ACYP2: variants seen among roughly 807,000 people sequenced by gnomAD.
The protein encoded by ACYP2 is acylphosphatase-2.
Under a neutral mutation model 11.2 loss-of-function variants are expected in ACYP2, and 12 were observed. The ratio of observed to expected loss-of-function variants is 1.08; its 90% CI spans 0.69 to 1.74. The LOEUF is 1.74. Among genes scored for constraint, ACYP2 ranks in the 40% most tolerant of loss-of-function variants. The pLI is 0.00. For missense variants in ACYP2, 134 were observed against 101.9 expected, an observed-to-expected ratio of 1.31 and a Z score of -1.35; for synonymous variants, 43 against 32.2, an observed-to-expected ratio of 1.33 and a Z score of -1.13.
intron 6 of ACYP2, chr2:54,142,113 A>G: frequency 2.6e-6 from 1 of 391,764 alleles, no homozygotes. Context: ...GCTTCAAATG[A>G]CTTTCCTGCC....
chr2:54,019,158 C>T (rs1202594380), intron 2 of ACYP2, among the ~76,000 whole-genome samples: 1 of 151,908 alleles, frequency 6.6e-6, no homozygotes, highest in Non-Finnish European at 1.5e-5. Flanking sequence ...CTTCAACCTC[C>T]TGGGCTCAAG....
intron 6 of ACYP2, among the ~76,000 whole-genome samples, chr2:54,140,865 G>A (rs1175626031): frequency 6.6e-6 from 1 of 152,046 alleles, no homozygotes; most frequent in Non-Finnish European, 1.5e-5. Flanking sequence ...TGATTTGTTG[G>A]TTGAAGTGGC....
intron 4 of ACYP2, among the ~76,000 whole-genome samples, chr2:54,081,298 C>T (rs897705997): frequency 2.0e-5 from 3 of 152,102 alleles, no homozygotes; most frequent in African/African-American, 4.8e-5. Context: ...GTAATAATAA[C>T]GGCAGTATTA....
intron 4 of ACYP2, among the ~76,000 whole-genome samples, chr2:54,099,151 A>G (rs1255907428): frequency 2.6e-5 from 4 of 152,040 alleles, no homozygotes; most frequent in South Asian, 4.2e-4. Flanking sequence ...TTTCTTGTTT[A>G]TTTTTTAATT....
intron 2 of ACYP2, among the ~76,000 whole-genome samples, chr2:54,001,491 TC>T (rs551332974): frequency 5.9e-5 from 9 of 152,190 alleles, no homozygotes; most frequent in Non-Finnish European, 1.0e-4. Context: ...CCTTCTGAGT[TC>T]AAGTGATTCT....
chr2:54,246,434 T>C (rs1307709952), intron 6 of ACYP2, among the ~76,000 whole-genome samples: 4 of 152,198 alleles, frequency 2.6e-5, no homozygotes, highest in African/African-American at 9.6e-5. Flanking sequence ...TAAAATTTTA[T>C]TAGTAAATAT....
intron 6 of ACYP2, among the ~76,000 whole-genome samples, chr2:54,238,148 A>G (rs1443533110): frequency 6.6e-6 from 1 of 152,170 alleles, no homozygotes; most frequent in Admixed American, 6.5e-5. Flanking sequence ...ATTATCATCC[A>G]GACCTCTCCT....
intron 6 of ACYP2, among the ~76,000 whole-genome samples, chr2:54,280,315 T>C (rs1573043162): frequency 2.0e-5 from 3 of 152,254 alleles, no homozygotes; most frequent in African/African-American, 7.2e-5. Context: ...CTGCCCAGAT[T>C]CTGCCAAGTT....
chr2:54,047,342 C>A (rs771661308), intron 2 of ACYP2, among the ~76,000 whole-genome samples: 1 of 152,186 alleles, frequency 6.6e-6, no homozygotes, highest in Non-Finnish European at 1.5e-5. Flanking sequence ...AAGAGTTGAA[C>A]TCTAACCAAG....
At chr2:54,014,368 A>T (rs1196739540) in intron 2 of ACYP2, among the ~76,000 whole-genome samples, 1 of 151,948 alleles carries the variant, frequency 6.6e-6, no homozygotes, top group Admixed American at 6.6e-5. Context: ...TTTGTCACCC[A>T]GGCTGCAGTG....
rs771160196 is a variant in ACYP2 at position 54,115,598 on chromosome 2, G to A, written c.278-19855G>A. 4 of 1,547,220 alleles carry A rather than the reference G, an allele frequency of 2.6e-6. No individual in the cohort carries two copies. The highest frequency in any genetic ancestry group is 2.4e-5 in the South Asian group (2 of 84,120). On this transcript the variant is annotated intron_variant, in intron 4 of 6. Transcript: ENST00000607452. ...GTCCGGGACCGGTGACAGGCGCGGG[G>A]TGCGCCAAGCAGTCCCATGTGTCCC...
chr2:54,294,756 A>T lies in ACYP2; in HGVS notation c.405-9932A>T, dbSNP rs185337620. Among the ~76,000 whole-genome samples the T allele has an allele frequency of 2.7e-3, 388 of 145,502 alleles. 2 individuals are homozygous for T. The highest frequency in any genetic ancestry group is 8.3e-3 in the African/African-American group (326 of 39,370). Reference sequence around the variant, plus strand: ...TGAGACCCCATCTCTACAAAAAATTAAAAAAAAAAATTAGCCAGGTGTGGT... The same window carrying T: ...TGAGACCCCATCTCTACAAAAAATTTAAAAAAAAAATTAGCCAGGTGTGGT... On this transcript the variant is annotated intron_variant, in intron 6 of 6. Coordinates refer to ENST00000607452, the MANE Select transcript of ACYP2 (RefSeq NM_001320586.2).
At chr2:54,178,769 A>C (rs1278450759) in intron 6 of ACYP2, among the ~76,000 whole-genome samples, 1 of 152,166 alleles carries the variant, frequency 6.6e-6, no homozygotes, top group Admixed American at 6.5e-5. Flanking sequence ...CCATAATTGA[A>C]AACACTAAGA....
intron 6 of ACYP2, among the ~76,000 whole-genome samples, chr2:54,202,492 C>G (rs1236955): frequency 4.0e-5 from 6 of 148,894 alleles, no homozygotes; most frequent in Non-Finnish European, 7.4e-5. Context: ...GCTGCAACCT[C>G]TGCCTCCCGG....
At chr2:54,141,819 C>A in intron 6 of ACYP2, 1 of 505,100 alleles carries the variant, frequency 2.0e-6, no homozygotes, top group Non-Finnish European at 3.6e-6. Context: ...CACACATATG[C>A]TTTTAAGATA....
intron 2 of ACYP2, among the ~76,000 whole-genome samples, chr2:53,983,524 G>T (rs564790901): frequency 3.3e-5 from 5 of 151,990 alleles, no homozygotes; most frequent in African/African-American, 1.2e-4. Context: ...AAAGAAAACA[G>T]TACGAATGGA....
rs199786526 is a variant in ACYP2, at chr2:54,115,678, A to T, written c.278-19775A>T. 7.8e-4 allele frequency: 1,247 copies of T among 1,608,768 alleles called. 11 individuals carry two copies. The Admixed American group carries it at 0.02, about 26-fold the overall frequency. ...GCCCCGAGCCCCTCTCCGGCTCCTCAACAGAGGGCTCGCCGCCGCCATGTC... is the reference window on the plus strand; with the variant it reads ...GCCCCGAGCCCCTCTCCGGCTCCTCTACAGAGGGCTCGCCGCCGCCATGTC... On this transcript the variant is annotated intron_variant, in intron 4 of 6. Coordinates refer to ENST00000607452, the MANE Select transcript of ACYP2 (RefSeq NM_001320586.2).
intron 2 of ACYP2, among the ~76,000 whole-genome samples, chr2:54,035,617 A>G (rs575318887): frequency 1.3e-5 from 2 of 152,262 alleles, no homozygotes; most frequent in South Asian, 4.1e-4. Flanking sequence ...TAGTGGTATT[A>G]AATTTATACT....
At chr2:54,051,748 A>G (rs1675877812) in intron 3 of ACYP2, 1 of 547,120 alleles carries the variant, frequency 1.8e-6, no homozygotes, top group Non-Finnish European at 3.4e-6. Context: ...AAAAAGCAAG[A>G]AAAAGAAGGA....
Sources: gnomAD v4.1 joint callset for allele counts (sites outside exome capture counted in the v4.1 genomes callset) on GRCh38, gnomAD v4.1.1 for gene constraint, MANE v1.5 for transcripts, NCBI Gene and HGNC (gene_info 2026-07-23, HGNC 2026-07-21) for gene names.